The following SRPK2 variants were observed in gnomAD, a reference collection of about 807,000 sequenced individuals.
SRPK2 encodes SFRS protein kinase 2.
In SRPK2, 21 loss-of-function variants were observed where a neutral mutation model predicts 90.8. That is an observed-to-expected ratio of 0.23 (90% confidence interval 0.16 to 0.33). SRPK2 has a LOEUF of 0.33. SRPK2 is among the 10% of genes least tolerant of loss of function. SRPK2 has a pLI of 1.00. For missense variants in SRPK2, 620 were observed against 869.0 expected (o/e 0.71, Z 3.60); for synonymous variants, 288 against 311.1 (o/e 0.93, Z 0.78).
intron 14 of SRPK2, 66 bp from the exon 15 acceptor site, chr7:105,126,406 G>T: frequency 8.3e-7 from 1 of 1,210,184 alleles, no homozygotes; most frequent in Non-Finnish European, 1.2e-6. Context: ...GATAAAAGAA[G>T]AGGGAAAAAT....
At chr7:105,303,161 G>A (rs1047389752) in intron 2 of SRPK2, among the ~76,000 whole-genome samples, 2 of 152,178 alleles carry the variant, frequency 1.3e-5, no homozygotes, top group African/African-American at 4.8e-5. Context: ...CATGTCCCTT[G>A]TAGGGACATG....
intron 2 of SRPK2, among the ~76,000 whole-genome samples, chr7:105,303,756 G>C (rs983275932): frequency 6.6e-6 from 1 of 152,026 alleles, no homozygotes; most frequent in Non-Finnish European, 1.5e-5. Context: ...TCTATAAAAT[G>C]ATGTCAAAGT....
chr7:105,359,197 C>T (rs1356468047), intron 2 of SRPK2, among the ~76,000 whole-genome samples: 2 of 121,906 alleles, frequency 1.6e-5, no homozygotes, highest in Admixed American at 1.1e-4. Context: ...CTCGCTCTAT[C>T]ACCCAGGCTG....
chr7:105,352,375 T>C (rs1817297258), intron 2 of SRPK2, among the ~76,000 whole-genome samples: 1 of 152,166 alleles, frequency 6.6e-6, no homozygotes, highest in African/African-American at 2.4e-5. Flanking sequence ...CCAGCTGACA[T>C]GTTGTGAGAA....
Position 105,161,490 on chromosome 7 carries a change from C to T in SRPK2, c.515-877G>A, listed in dbSNP as rs533753977. ...ATAATGTAATTAACCCCACTGTAGG[C>T]ATGAGGACATGGCACTTTCTAGGTG... On this transcript the variant is annotated intron_variant, in intron 6 of 15. Coordinates refer to ENST00000393651, the MANE Select transcript of SRPK2 (RefSeq NM_182692.3). Among the ~76,000 whole-genome samples, 294 of 152,292 alleles carry T rather than the reference C, an allele frequency of 1.9e-3. 1 individual carries two copies. Among genetic ancestry groups the T allele is most frequent in the Non-Finnish European group, 3.2e-3 (218 of 68,032 alleles).
chr7:105,146,478 G>A lies in SRPK2; in HGVS notation c.787+15C>T. 6.2e-7 allele frequency: 1 copy of A among 1,612,940 alleles called. No individual in the cohort carries two copies. ...ATGCCCCCACACTGAAATGAAGCTG[G>A]CTCAGCTCCCTCACCTGCAGACCCT... On this transcript the variant is annotated intron_variant, in intron 8 of 15. Transcript: ENST00000393651.
chr7:105,285,378 C>T (rs1169418115), intron 2 of SRPK2, among the ~76,000 whole-genome samples: 1 of 110,726 alleles, frequency 9.0e-6, no homozygotes, highest in East Asian at 2.6e-4. Flanking sequence ...GAGTGAGACC[C>T]CGTCTCCAAA....
chr7:105,326,910 A>C (rs1284513793), intron 2 of SRPK2, among the ~76,000 whole-genome samples: 1 of 152,068 alleles, frequency 6.6e-6, no homozygotes, highest in Non-Finnish European at 1.5e-5. Flanking sequence ...AAAAATACAA[A>C]AAATTACCCA....
At chr7:105,159,059 C>G (rs1807015493) in intron 7 of SRPK2, among the ~76,000 whole-genome samples, 1 of 151,988 alleles carries the variant, frequency 6.6e-6, no homozygotes, top group Non-Finnish European at 1.5e-5. Flanking sequence ...AATCTAGGCC[C>G]ACATGTATAC....
downstream of SRPK2, among the ~76,000 whole-genome samples, chr7:105,115,880 A>G (rs1677953522): frequency 6.6e-6 from 1 of 152,180 alleles, no homozygotes; most frequent in Non-Finnish European, 1.5e-5. Context: ...GATGTTTCTC[A>G]TAGAAATCAC....
intron 2 of SRPK2, among the ~76,000 whole-genome samples, chr7:105,263,224 G>A (rs1326194622): frequency 1.3e-5 from 2 of 152,090 alleles, no homozygotes; most frequent in Admixed American, 6.6e-5. Context: ...TCTGGAGGCT[G>A]AGGCAGGAAA....
At chr7:105,259,540 A>C (rs1032523620) in intron 2 of SRPK2, among the ~76,000 whole-genome samples, 1 of 152,212 alleles carries the variant, frequency 6.6e-6, no homozygotes, top group African/African-American at 2.4e-5. Context: ...AACTACTTTA[A>C]AGTTCATATG....
intron 2 of SRPK2, among the ~76,000 whole-genome samples, chr7:105,245,188 G>A (rs188306350): frequency 1.7e-4 from 26 of 150,494 alleles, no homozygotes; most frequent in Admixed American, 1.0e-3. Flanking sequence ...GTGAACATGA[G>A]ACAGTTAAAG....
chr7:105,247,452 G>A (rs1451526310), intron 2 of SRPK2, among the ~76,000 whole-genome samples: 1 of 151,296 alleles, frequency 6.6e-6, no homozygotes, highest in African/African-American at 2.4e-5. Context: ...CATCACTGAT[G>A]ATCAAAGTGC....
intron 2 of SRPK2, among the ~76,000 whole-genome samples, chr7:105,332,266 T>C (rs995900175): frequency 2.6e-5 from 4 of 152,102 alleles, no homozygotes; most frequent in African/African-American, 9.7e-5. Flanking sequence ...CAAGTACATA[T>C]ATACAATCAA....
downstream of SRPK2, chr7:105,115,289 G>C (rs868075661): frequency 2.0e-4 from 30 of 152,192 alleles, no homozygotes; most frequent in African/African-American, 7.0e-4. Context: ...TTACTTTATC[G>C]TGGTAACTAG....
chr7:105,327,601 T>C (rs1813741034), intron 2 of SRPK2, among the ~76,000 whole-genome samples: 1 of 152,190 alleles, frequency 6.6e-6, no homozygotes, highest in South Asian at 2.1e-4. Context: ...GTTACACATC[T>C]GACTCCACAG....
intron 2 of SRPK2, among the ~76,000 whole-genome samples, chr7:105,226,579 T>G (rs568523813): frequency 6.6e-6 from 1 of 152,130 alleles, no homozygotes; most frequent in Non-Finnish European, 1.5e-5. Flanking sequence ...TGAGCCACCA[T>G]GCCGGGCCAA....
intron 3 of SRPK2, among the ~76,000 whole-genome samples, chr7:105,195,585 A>G (rs1196583260): frequency 6.6e-6 from 1 of 152,232 alleles, no homozygotes; most frequent in Non-Finnish European, 1.5e-5. Flanking sequence ...GGAAAACACA[A>G]GCAGTTAGGG....
Sources: allele counts gnomAD v4.1 joint callset (sites outside exome capture counted in the v4.1 genomes callset), GRCh38; gene constraint gnomAD v4.1.1; transcripts MANE v1.5; gene names NCBI Gene and HGNC (gene_info 2026-07-23, HGNC 2026-07-21).